DOCK8: variants seen among roughly 807,000 people sequenced by gnomAD.
DOCK8 encodes the protein dedicator of cytokinesis protein 8.
DOCK8 carries 141 observed loss-of-function variants against 245.6 expected under a neutral mutation model. The ratio of observed to expected loss-of-function variants is 0.57; its 90% CI spans 0.50 to 0.66. The LOEUF (loss-of-function observed/expected upper bound fraction) is 0.66, where lower values mean the gene tolerates loss of function less well. Among genes scored for constraint, DOCK8 ranks in the 30% least tolerant of loss-of-function variants. The pLI is 0.00. For synonymous variants in DOCK8, 1,168 were observed against 970.2 expected (o/e 1.20, Z -3.79); for missense variants, 2,965 against 2,603.4 (o/e 1.14, Z -3.02).
At chr9:303,858 G>C (rs1360364664) in intron 4 of DOCK8, among the ~76,000 whole-genome samples, 1 of 152,192 alleles carries the variant, frequency 6.6e-6, no homozygotes, top group African/African-American at 2.4e-5. Context: ...AAAGTGGCGT[G>C]TTTGTGCACT....
chr9:231,145 T>G (rs1291783382), intron 1 of DOCK8, among the ~76,000 whole-genome samples: 1 of 151,824 alleles, frequency 6.6e-6, no homozygotes, highest in Non-Finnish European at 1.5e-5. Flanking sequence ...CCAGCACCAT[T>G]TATTAAATAG....
intron 14 of DOCK8, among the ~76,000 whole-genome samples, chr9:356,563 G>A (rs1261465057): frequency 1.3e-5 from 2 of 151,508 alleles, no homozygotes; most frequent in African/African-American, 2.4e-5. Context: ...TTTGGTTTGG[G>A]TCCCTTCCCA....
chr9:280,599 A>G (rs772583983), intron 2 of DOCK8, among the ~76,000 whole-genome samples: 2 of 152,166 alleles, frequency 1.3e-5, no homozygotes, highest in Non-Finnish European at 2.9e-5. Flanking sequence ...CTTCTTAGAA[A>G]AGGCTTCCCA....
At chr9:401,858 G>C (rs2131500472) in intron 26 of DOCK8, among the ~76,000 whole-genome samples, 1 of 152,246 alleles carries the variant, frequency 6.6e-6, no homozygotes, top group Non-Finnish European at 1.5e-5. Flanking sequence ...TAAGGAAGCA[G>C]AATAATAAAA....
rs755955593 is a variant in DOCK8, at chr9:422,095, G to C, written c.4201G>C (p.Glu1401Gln). ...GLNENLRWKK[E>Q]QTHWRQANEK... ...AAATGAAAATTTGAGATGGAAGAAA[G>C]AGCAGACACATTGGCGGCAAGCTAA... The change falls in exon 33 of 48, where the codon GAG becomes CAG. Residue 1401 changes from glutamate to glutamine, a missense_variant. Around this residue, in one of 3 missense-constraint regions of DOCK8, gnomAD observed 2,825 missense variants for 2,453.5 expected, o/e 1.15. Transcript: ENST00000432829. The C allele has an allele frequency of 6.2e-7, 1 of 1,614,116 alleles. No individual in the cohort carries two copies. The highest frequency in any genetic ancestry group is 1.7e-5 in the Admixed American group (1 of 60,020).
At chr9:273,893 A>G (rs1450902737) in intron 2 of DOCK8, among the ~76,000 whole-genome samples, 2 of 152,006 alleles carry the variant, frequency 1.3e-5, no homozygotes, top group African/African-American at 4.8e-5. Flanking sequence ...TTGAGTAGAG[A>G]CGGGGTTTCT....
intron 1 of DOCK8, among the ~76,000 whole-genome samples, chr9:269,732 ATT>A (rs1284411190): frequency 6.6e-6 from 1 of 151,366 alleles, no homozygotes; most frequent in Non-Finnish European, 1.5e-5. Flanking sequence ...ATTTTTTTGT[ATT>A]TTTAGTAGAG....
At chr9:410,893 A>C (rs574645015) in intron 28 of DOCK8, among the ~76,000 whole-genome samples, 1 of 152,236 alleles carries the variant, frequency 6.6e-6, no homozygotes, top group African/African-American at 2.4e-5. Flanking sequence ...CAACACAATC[A>C]TATCACAAGA....
chr9:257,475 A>T (rs184007871), intron 1 of DOCK8, among the ~76,000 whole-genome samples: 1 of 152,098 alleles, frequency 6.6e-6, no homozygotes, highest in East Asian at 1.9e-4. Flanking sequence ...CTGCAACAGA[A>T]TCATCTGGAG....
At chr9:304,403 A>G (rs1279337408) in intron 4 of DOCK8, among the ~76,000 whole-genome samples, 178 bp from the exon 5 acceptor site, 2 of 152,184 alleles carry the variant, frequency 1.3e-5, no homozygotes, top group Admixed American at 6.5e-5. Flanking sequence ...TCTCATTACA[A>G]CAGAGCCTTG....
At chr9:429,662 C>CT in intron 35 of DOCK8, 40 bp from the exon 36 acceptor site, 3 of 1,613,366 alleles carry the variant, frequency 1.9e-6, no homozygotes, top group Non-Finnish European at 2.5e-6. Flanking sequence ...GTGTATCAAA[C>CT]TGCCAAGTGA....
chr9:390,549 T>G lies in DOCK8; in HGVS notation c.2953T>G (p.Phe985Val). 1 of 1,614,204 alleles carries G rather than the reference T, an allele frequency of 6.2e-7. No homozygotes were observed. The highest frequency in any genetic ancestry group is 2.2e-5 in the East Asian group (1 of 44,890). ...VRETVFKYAW[F>V]FFELLVKSMA... ...AGAAACAGTCTTCAAGTATGCCTGG[T>G]TCTTCTTTGAGCTTCTGGTGAGATT... Residue 985 changes from phenylalanine to valine, a missense_variant, in exon 24 of 48, where the codon TTC (phenylalanine) becomes GTC (valine). Phe to Val is a conservative substitution (Grantham distance 50). This residue lies in a region of DOCK8 where 2,825 missense variants were observed against 2,453.5 expected (regional missense o/e 1.15). Coordinates refer to ENST00000432829, the MANE Select transcript of DOCK8 (RefSeq NM_203447.4).
intron 1 of DOCK8, among the ~76,000 whole-genome samples, chr9:263,890 T>G (rs2047979525): frequency 6.6e-6 from 1 of 152,266 alleles, no homozygotes; most frequent in South Asian, 2.1e-4. Context: ...TCTCTTTGAC[T>G]TTCAGTAGTT....
upstream of DOCK8, chr9:214,325 T>C (rs996107314): frequency 3.3e-6 from 2 of 610,900 alleles, no homozygotes; most frequent in Non-Finnish European, 5.5e-6. Context: ...GAAAACATTT[T>C]TTGAGAACTC....
At chr9:230,301 C>CGTT (rs34876700) in intron 1 of DOCK8, among the ~76,000 whole-genome samples, 50,836 of 151,188 alleles carry the variant, frequency 0.34, 10,435 homozygotes, top group African/African-American at 0.58. Flanking sequence ...TCCAGTCTAT[C>CGTT]GTTGGGCATT....
At chr9:233,322 T>G (rs1431498596) in intron 1 of DOCK8, among the ~76,000 whole-genome samples, 1 of 152,126 alleles carries the variant, frequency 6.6e-6, no homozygotes, top group African/African-American at 2.4e-5. Flanking sequence ...GCCAACTATG[T>G]GGTCAATTTT....
intron 28 of DOCK8, among the ~76,000 whole-genome samples, chr9:408,881 CACACA>C (rs1462167293): frequency 0.031 from 4,014 of 131,204 alleles, 177 homozygotes; most frequent in African/African-American, 0.11. Flanking sequence ...CACACACACA[CACACA>C]CGCACACACG....
At chr9:406,863 A>T in intron 27 of DOCK8, 67 bp from the exon 28 acceptor site, 1 of 1,608,078 alleles carries the variant, frequency 6.2e-7, no homozygotes, top group Non-Finnish European at 8.5e-7. Context: ...GACTCAGTAA[A>T]CACTGGCCAT....
intron 5 of DOCK8, among the ~76,000 whole-genome samples, chr9:307,785 T>C (rs963779475): frequency 3.9e-5 from 6 of 152,160 alleles, no homozygotes; most frequent in Non-Finnish European, 8.8e-5. Context: ...TGCAGCACTA[T>C]TCACAGTAAC....
Sources: gnomAD v4.1 joint callset for allele counts (sites outside exome capture counted in the v4.1 genomes callset) on GRCh38, gnomAD v4.1.1 for gene constraint, gnomAD v4.1.1 regional missense constraint, MANE v1.5 for transcripts, NCBI Gene and HGNC (gene_info 2026-07-23, HGNC 2026-07-21) for gene names.